WWP2: variants seen among roughly 807,000 people sequenced by gnomAD.
The protein encoded by WWP2 is WW domain containing E3 ubiquitin protein ligase 2, also known as NEDD4-like E3 ubiquitin-protein ligase WWP2.
A neutral mutation model predicts 121.0 loss-of-function variants in WWP2; 57 were observed. The observed-to-expected ratio is 0.47, with a 90% confidence interval of 0.38 to 0.59. The LOEUF (loss-of-function observed/expected upper bound fraction) is 0.59. Among genes scored for constraint, WWP2 ranks in the 20% least tolerant of loss-of-function variants. The pLI, the probability that WWP2 is intolerant of heterozygous loss-of-function variation, is 0.00. For missense variants in WWP2, 962 were observed against 1,158.9 expected (o/e 0.83, Z 2.47); for synonymous variants, 449 against 441.3 (o/e 1.02, Z -0.22).
chr16:69,933,821 G>A, intron 16 of WWP2, 149 bp from the exon 17 acceptor site: 1 of 846,354 alleles, frequency 1.2e-6, no homozygotes, highest in South Asian at 1.7e-5. Flanking sequence ...GTTCATATAG[G>A]TTAGCCCGGG....
chr16:69,782,698 T>G (rs2055689454), intron 1 of WWP2, among the ~76,000 whole-genome samples: 2 of 152,210 alleles, frequency 1.3e-5, no homozygotes, highest in Non-Finnish European at 2.9e-5. Context: ...TTTAAATCTT[T>G]TTGGAAACTA....
chr16:69,930,963 G>C (rs2058701836), intron 13 of WWP2, among the ~76,000 whole-genome samples, 189 bp from the exon 14 acceptor site: 1 of 152,142 alleles, frequency 6.6e-6, no homozygotes, highest in Non-Finnish European at 1.5e-5. Context: ...TTCTCTAAAA[G>C]CAAGAAGTCT....
At chr16:69,807,673 C>A (rs2056310319) in intron 4 of WWP2, among the ~76,000 whole-genome samples, 1 of 147,440 alleles carries the variant, frequency 6.8e-6, no homozygotes, top group Middle Eastern at 4.0e-3. Context: ...GAAAGGGCAG[C>A]CAGGTGCAGT....
chr16:69,846,049 C>CAAAAAAAAAAAAAAAAAA (rs57201672), intron 6 of WWP2, among the ~76,000 whole-genome samples: 1,230 of 45,510 alleles, frequency 0.027, 200 homozygotes, highest in Non-Finnish European at 0.032. Flanking sequence ...GACTCCATCT[C>CAAAAAAAAAAAAAAAAAA]AAAAAAAAAA....
Position 69,897,078 on chromosome 16 carries a change from ACAGGTCTCT to A in WWP2, c.914+8831_914+8839del, listed in dbSNP as rs1411501849. On this transcript the variant is annotated intron_variant, in intron 8 of 23. Transcript: ENST00000359154. Reference sequence around the variant, plus strand: ...TCTTTGGCTCTGTGCTGCATTTGCTACAGGTCTCTCCCCGTCTTTTTTTTTTTGTTTGTG... The same window carrying A: ...TCTTTGGCTCTGTGCTGCATTTGCTACCCCGTCTTTTTTTTTTTGTTTGTG... Among the ~76,000 whole-genome samples, 3 of 151,808 alleles carry A rather than the reference ACAGGTCTCT, an allele frequency of 2.0e-5. No homozygotes were observed. The South Asian group carries it at 6.2e-4, about 32-fold the overall frequency.
At position 69,935,954 on chromosome 16, in the gene WWP2, C is replaced by T. The variant is rs768411815; in HGVS notation, c.1944C>T (p.Asp648=). The change falls in exon 18 of 24, where the codon GAC becomes GAT. Residue 648 remains aspartate, a synonymous_variant. Coordinates refer to ENST00000359154, the MANE Select transcript of WWP2 (RefSeq NM_001270454.2). The surrounding 1 kb of genome is among the most constrained non-coding windows in gnomAD (Gnocchi z 5.2). The part of the protein sequence containing the change: ...RPTLKDLESI[D]PEFYNSIVWI... ...CCCTGAAAGACCTGGAGTCCATTGA[C>T]CCTGAGTTCTACAACTCCATTGTCT... is the stretch of plus-strand genomic sequence containing the variant. The T allele has an allele frequency of 2.1e-5, 34 of 1,613,930 alleles. No homozygotes were observed. The highest frequency in any genetic ancestry group is 2.6e-5 in the Non-Finnish European group (31 of 1,180,020).
chr16:69,875,252 A>G (rs1346372519), intron 7 of WWP2, among the ~76,000 whole-genome samples: 1 of 152,244 alleles, frequency 6.6e-6, no homozygotes, highest in African/African-American at 2.4e-5. Flanking sequence ...TAAAAAATGT[A>G]TACACTTTAA....
intron 6 of WWP2, among the ~76,000 whole-genome samples, chr16:69,870,617 G>A (rs2057617071): frequency 6.6e-6 from 1 of 152,184 alleles, no homozygotes; most frequent in African/African-American, 2.4e-5. Flanking sequence ...ATTGTTGAGA[G>A]TAGTTTTATC....
intron 1 of WWP2, among the ~76,000 whole-genome samples, chr16:69,785,057 G>A (rs1483223230): frequency 2.6e-5 from 4 of 152,004 alleles, no homozygotes; most frequent in South Asian, 2.1e-4. Flanking sequence ...CCAACATGGC[G>A]AAACCCCATC....
chr16:69,931,342 A>T, intron 14 of WWP2, 115 bp downstream of exon 14: 2 of 1,488,704 alleles, frequency 1.3e-6, no homozygotes, highest in Non-Finnish European at 1.9e-6. Context: ...GGCGCAAGAC[A>T]CTTGTCTAAC....
chr16:69,937,407 C>A lies in WWP2; in HGVS notation c.2239-141C>A. 7.4e-7 allele frequency: 1 copy of A among 1,343,158 alleles called. No homozygotes were observed. The highest frequency in any genetic ancestry group is 1.0e-6 in the Non-Finnish European group (1 of 982,344). The allele number at this position is 1,343,158 out of a possible 1,614,324, so 83.2% of individuals were successfully genotyped here. On this transcript the variant is annotated intron_variant, in intron 20 of 23. Transcript: ENST00000359154. This position sits in a 1 kb window ranked among gnomAD's most constrained non-coding sequence, Gnocchi z 6.6. ...TCCCCAGACACTTGTTTCAAGAAAG[C>A]AGGGACTTACATTACCCATATTATT...
intron 4 of WWP2, among the ~76,000 whole-genome samples, chr16:69,816,197 C>G (rs1429989360): frequency 6.6e-6 from 1 of 151,986 alleles, no homozygotes. Context: ...GAGTTTTTCT[C>G]TTGCTCCCTA....
chr16:69,919,541 G>A (rs749260362), intron 10 of WWP2, among the ~76,000 whole-genome samples: 15 of 152,220 alleles, frequency 9.9e-5, no homozygotes, highest in South Asian at 2.1e-4. Context: ...CTCCTATACC[G>A]TGTCCCTGTG....
intron 4 of WWP2, among the ~76,000 whole-genome samples, chr16:69,808,545 G>A (rs1471033618): frequency 6.6e-6 from 1 of 152,116 alleles, no homozygotes; most frequent in Non-Finnish European, 1.5e-5. Context: ...GACATTACAG[G>A]CACCTGCCAC....
At chr16:69,827,318 A>T (rs750599740) in intron 4 of WWP2, among the ~76,000 whole-genome samples, 1 of 151,674 alleles carries the variant, frequency 6.6e-6, no homozygotes, top group Non-Finnish European at 1.5e-5. Flanking sequence ...GGTGCATTCT[A>T]TAATGTCAGA....
At chr16:69,795,736 C>T (rs1434129524) in intron 2 of WWP2, among the ~76,000 whole-genome samples, 1 of 148,628 alleles carries the variant, frequency 6.7e-6, no homozygotes, top group Non-Finnish European at 1.5e-5. Flanking sequence ...TAGCCTCCGC[C>T]TCCTGGGTTC....
At chr16:69,802,424 A>T (rs1166862268) in intron 4 of WWP2, among the ~76,000 whole-genome samples, 2 of 152,000 alleles carry the variant, frequency 1.3e-5, no homozygotes, top group Admixed American at 1.3e-4. Flanking sequence ...CTCCCCTCGC[A>T]CCAGCACCTG....
chr16:69,801,558 A>G (rs922073502), intron 4 of WWP2, among the ~76,000 whole-genome samples: 2 of 151,080 alleles, frequency 1.3e-5, no homozygotes, highest in African/African-American at 4.9e-5. Context: ...TTAGATTGAG[A>G]TGGGATCTCC....
In WWP2 at chr16:69,937,214, C is replaced by A. The variant is rs145706603; in HGVS notation, c.2214C>A (p.Arg738=). Residue 738 remains arginine (R), a synonymous_variant, in exon 20 of 24, where the codon CGC becomes CGA. Coordinates refer to ENST00000359154, the MANE Select transcript of WWP2 (RefSeq NM_001270454.2). The surrounding 1 kb of genome is among the most constrained non-coding windows in gnomAD (Gnocchi z 6.6). ...FNEVAPLEWL[R]YFDEKELELM... ...AGGTGGCCCCGCTGGAGTGGCTGCG[C>A]TACTTTGACGAGAAAGAGCTGGAGG... is the stretch of plus-strand genomic sequence containing the variant. 97 of 1,613,666 alleles carry A rather than the reference C, an allele frequency of 6.0e-5. No homozygotes were observed. Among genetic ancestry groups the A allele is most frequent in the Non-Finnish European group, 8.0e-5 (94 of 1,179,980 alleles).
Sources: allele counts gnomAD v4.1 joint callset (sites outside exome capture counted in the v4.1 genomes callset), GRCh38; gene constraint gnomAD v4.1.1; non-coding constraint Gnocchi (gnomAD v3.1); transcripts MANE v1.5; gene names NCBI Gene and HGNC (gene_info 2026-07-23, HGNC 2026-07-21).